SUCLG2: variants seen among roughly 807,000 people sequenced by gnomAD.
SUCLG2 encodes succinate-CoA ligase GDP-forming subunit beta, also known as succinate--CoA ligase [GDP-forming] subunit beta, mitochondrial.
In SUCLG2, 42 loss-of-function variants were observed where a neutral mutation model predicts 47.9. The ratio of observed to expected loss-of-function variants is 0.88; its 90% CI spans 0.69 to 1.14. SUCLG2 has a LOEUF of 1.14. Among genes scored for constraint, SUCLG2 ranks in the 50% most tolerant of loss-of-function variants. SUCLG2 has a pLI of 0.00. For missense variants in SUCLG2, 571 were observed against 525.9 expected, an observed-to-expected ratio of 1.09 and a Z score of -0.84; for synonymous variants, 195 against 197.3, an observed-to-expected ratio of 0.99 and a Z score of 0.10.
intron 2 of SUCLG2, among the ~76,000 whole-genome samples, chr3:67,546,255 A>C (rs1298125560): frequency 6.6e-6 from 1 of 152,224 alleles, no homozygotes; most frequent in East Asian, 1.9e-4. Context: ...CCAAGACAGC[A>C]CAGGAAAATA....
At chr3:67,613,868 G>C (rs1320295591) in intron 1 of SUCLG2, among the ~76,000 whole-genome samples, 1 of 152,188 alleles carries the variant, frequency 6.6e-6, no homozygotes, top group Admixed American at 6.5e-5. Flanking sequence ...TGGTGATAGA[G>C]ACTGAGATAA....
chr3:67,546,835 A>C (rs1706877534), intron 2 of SUCLG2, among the ~76,000 whole-genome samples: 1 of 152,172 alleles, frequency 6.6e-6, no homozygotes, highest in Admixed American at 6.5e-5. Context: ...GGGGAGGCAG[A>C]GGTTGCAGCG....
intron 2 of SUCLG2, among the ~76,000 whole-genome samples, chr3:67,549,360 T>G (rs1706950829): frequency 6.6e-6 from 1 of 152,188 alleles, no homozygotes; most frequent in Non-Finnish European, 1.5e-5. Context: ...GACTCCAGAC[T>G]TTTGATAAGC....
intron 1 of SUCLG2, among the ~76,000 whole-genome samples, chr3:67,650,467 G>A (rs1027955485): frequency 1.5e-4 from 23 of 152,136 alleles, no homozygotes; most frequent in Non-Finnish European, 1.5e-4. Context: ...TTCTAAAATA[G>A]GAGGCCTGGC....
chr3:67,511,745 G>C lies in SUCLG2; in HGVS notation c.661-2842C>G, dbSNP rs553330499. ...TGAATGAGTTTAGGCATTATTCTATGAGTTTAAGAGACATCTTATTTTTTT... is the reference window on the plus strand; with the variant it reads ...TGAATGAGTTTAGGCATTATTCTATCAGTTTAAGAGACATCTTATTTTTTT... On this transcript the variant is annotated intron_variant, in intron 6 of 10. Transcript: ENST00000307227. Among the ~76,000 whole-genome samples, 6 of 152,266 alleles carry C rather than the reference G, an allele frequency of 3.9e-5. No homozygotes were observed. In the South Asian group the frequency reaches 1.2e-3, roughly 32 times the overall value.
chr3:67,392,239 C>T (rs1047237751), intron 10 of SUCLG2, among the ~76,000 whole-genome samples: 1 of 152,138 alleles, frequency 6.6e-6, no homozygotes, highest in African/African-American at 2.4e-5. Context: ...CCTCTCCTGC[C>T]TTATCACTCG....
chr3:67,615,980 A>G (rs2363082), intron 1 of SUCLG2, among the ~76,000 whole-genome samples: 70,266 of 151,620 alleles, frequency 0.46, 16,719 homozygotes, highest in African/African-American at 0.56. Context: ...AACATTATCT[A>G]TGGCAACACA....
At chr3:67,639,011 T>C (rs1243124902) in intron 1 of SUCLG2, among the ~76,000 whole-genome samples, 1 of 152,180 alleles carries the variant, frequency 6.6e-6, no homozygotes, top group African/African-American at 2.4e-5. Flanking sequence ...TCTAGAGCTA[T>C]TCCGTGGCCT....
At chr3:67,513,654 C>T (rs1705857378) in intron 6 of SUCLG2, among the ~76,000 whole-genome samples, 1 of 152,142 alleles carries the variant, frequency 6.6e-6, no homozygotes, top group South Asian at 2.1e-4. Flanking sequence ...TAAAAATAAG[C>T]ACAGGTCAAA....
intron 9 of SUCLG2, among the ~76,000 whole-genome samples, chr3:67,486,115 A>G (rs1705043857): frequency 6.6e-6 from 1 of 152,014 alleles, no homozygotes; most frequent in Non-Finnish European, 1.5e-5. Context: ...ACAAAATTCA[A>G]TTAGCCAGGT....
chr3:67,544,401 T>C (rs1242994796), intron 2 of SUCLG2, among the ~76,000 whole-genome samples: 5 of 152,130 alleles, frequency 3.3e-5, no homozygotes, highest in Non-Finnish European at 5.9e-5. Flanking sequence ...GGTAAGTTCT[T>C]ACAAGATATG....
intron 10 of SUCLG2, among the ~76,000 whole-genome samples, chr3:67,392,651 C>T (rs112280411): frequency 6.6e-6 from 1 of 152,048 alleles, no homozygotes; most frequent in African/African-American, 2.4e-5. Flanking sequence ...CAGAGGGGTG[C>T]TCCTTAAGGT....
intron 9 of SUCLG2, among the ~76,000 whole-genome samples, chr3:67,455,811 A>G (rs998665371): frequency 3.9e-5 from 6 of 152,158 alleles, no homozygotes; most frequent in Non-Finnish European, 8.8e-5. Context: ...ATTTTGTTCT[A>G]CTACCCAGTG....
At chr3:67,472,799 C>T (rs1704635933) in intron 9 of SUCLG2, among the ~76,000 whole-genome samples, 1 of 152,092 alleles carries the variant, frequency 6.6e-6, no homozygotes, top group Admixed American at 6.5e-5. Context: ...CCCATGTCTC[C>T]AAGGCGGGCT....
intron 9 of SUCLG2, among the ~76,000 whole-genome samples, chr3:67,460,525 A>G (rs1225911458): frequency 6.6e-6 from 1 of 152,176 alleles, no homozygotes; most frequent in Non-Finnish European, 1.5e-5. Flanking sequence ...TCAGGAGGGA[A>G]ACAGAACTGC....
intron 9 of SUCLG2, among the ~76,000 whole-genome samples, chr3:67,434,630 TGA>T (rs1294280093): frequency 1.3e-5 from 2 of 152,218 alleles, no homozygotes; most frequent in African/African-American, 4.8e-5. Context: ...ACACTTAGGA[TGA>T]GAGAAGGGGA....
chr3:67,454,961 CAAAAA>C (rs61683854), intron 9 of SUCLG2, among the ~76,000 whole-genome samples: 60,442 of 111,674 alleles, frequency 0.54, 14,286 homozygotes, highest in Admixed American at 0.62. Flanking sequence ...GACTCCGTCT[CAAAAA>C]AAAAAAAAAA....
chr3:67,473,153 G>A (rs1575719906), intron 9 of SUCLG2, among the ~76,000 whole-genome samples: 3 of 150,948 alleles, frequency 2.0e-5, no homozygotes, highest in African/African-American at 7.3e-5. Context: ...TGTTATTTCT[G>A]AGCTAAGGAA....
intron 9 of SUCLG2, among the ~76,000 whole-genome samples, chr3:67,484,184 T>A (rs1359136764): frequency 6.6e-6 from 1 of 152,162 alleles, no homozygotes; most frequent in African/African-American, 2.4e-5. Flanking sequence ...TGGAACCTCA[T>A]CCCACTCTCT....
Sources: allele counts gnomAD v4.1 joint callset (sites outside exome capture counted in the v4.1 genomes callset), GRCh38; gene constraint gnomAD v4.1.1; transcripts MANE v1.5; gene names NCBI Gene and HGNC (gene_info 2026-07-23, HGNC 2026-07-21).